TPH1: variants seen among roughly 807,000 people sequenced by gnomAD.
The protein encoded by TPH1 is tryptophan 5-hydroxylase 1.
In TPH1, 37 loss-of-function variants were observed where a neutral mutation model predicts 49.5. The observed-to-expected ratio is 0.75, with a 90% CI of 0.58 to 0.98. The LOEUF is 0.98. TPH1 is among the 50% of genes least tolerant of loss of function. The pLI is 0.00. For synonymous variants in TPH1, 160 were observed against 182.1 expected, an observed-to-expected ratio of 0.88 and a Z score of 0.98; for missense variants, 487 against 523.6, an observed-to-expected ratio of 0.93 and a Z score of 0.68.
At position 18,019,691 on chromosome 11, in the gene TPH1, G is replaced by C. The variant is rs1254553914; in HGVS notation, c.*1300C>G. ...ATTCCCCATGAAGAGATGGCAAAAA[G>C]AGTAGAAGTGCAAAGACAGAAACTT... is the stretch of plus-strand genomic sequence containing the variant. On this transcript the variant is annotated 3_prime_UTR_variant, in exon 11 of 11. Transcript: ENST00000682019. 1 of 463,966 alleles carries C rather than the reference G, an allele frequency of 2.2e-6. No homozygotes were observed. Among genetic ancestry groups the C allele is most frequent in the Non-Finnish European group, 4.3e-6 (1 of 230,764 alleles). 28.7% of individuals were successfully genotyped at this position (463,966 alleles called of 1,614,324 possible).
In TPH1 at chr11:18,029,287, T is replaced by C. The variant is rs780401123; in HGVS notation, c.545A>G (p.Asn182Ser). The change falls in exon 6 of 11, where the codon AAC (asparagine) becomes AGC (serine). Residue 182 changes from asparagine (N) to serine (S), a missense_variant. Physicochemically the swap from Asn to Ser is conservative, Grantham distance 46. Coordinates refer to ENST00000682019, the MANE Select transcript of TPH1 (RefSeq NM_004179.3). ...KTWGTVFQEL[N>S]KLYPTHACRE... Reference sequence around the variant, plus strand: ...GCAAGCATGGGTTGGGTAGAGTTTGTTGAGCTCTTGGAATACGGTTCCCCA... The same window carrying C: ...GCAAGCATGGGTTGGGTAGAGTTTGCTGAGCTCTTGGAATACGGTTCCCCA... 4 of 1,613,980 alleles carry C rather than the reference T, an allele frequency of 2.5e-6. No individual in the cohort carries two copies. The highest frequency in any genetic ancestry group is 3.3e-4 in the Middle Eastern group (2 of 6,084).
chr11:18,026,021 C>A (rs571760334), intron 7 of TPH1, among the ~76,000 whole-genome samples: 26 of 152,072 alleles, frequency 1.7e-4, no homozygotes, highest in African/African-American at 5.8e-4. Flanking sequence ...TCAGCAAGGC[C>A]TTCCCTGATC....
At chr11:18,023,030 A>G (rs547652088) in intron 9 of TPH1, 99 bp from the exon 10 acceptor site, 1 of 1,274,402 alleles carries the variant, frequency 7.8e-7, no homozygotes, top group Admixed American at 1.8e-5. Context: ...TTACTAATGC[A>G]ATGGCCCCAA....
intron 3 of TPH1, among the ~76,000 whole-genome samples, chr11:18,035,054 A>C (rs939219646): frequency 6.6e-5 from 10 of 152,352 alleles, no homozygotes; most frequent in African/African-American, 2.4e-4. Context: ...ACGCTCCTAG[A>C]CGGAGCTCAG....
chr11:18,021,208 T>C, intron 10 of TPH1, 43 bp from the exon 11 acceptor site: 1 of 1,580,592 alleles, frequency 6.3e-7, no homozygotes, highest in South Asian at 1.1e-5. Flanking sequence ...TTCTAGGGAG[T>C]GAATGATGAA....
intron 7 of TPH1, 71 bp downstream of exon 7, chr11:18,026,419 A>T: frequency 8.2e-7 from 1 of 1,218,028 alleles, no homozygotes; most frequent in South Asian, 1.4e-5. Context: ...AAAAAAAAAG[A>T]ACCCATAAGG....
chr11:18,025,202 C>T (rs1235741037), intron 8 of TPH1, among the ~76,000 whole-genome samples: 3 of 152,130 alleles, frequency 2.0e-5, no homozygotes, highest in East Asian at 3.9e-4. Flanking sequence ...GATAGATAAC[C>T]TATTATTGTA....
At chr11:18,026,914 GCCCAAGTCCAC>G (rs1847934282) in intron 6 of TPH1, among the ~76,000 whole-genome samples, 1 of 152,068 alleles carries the variant, frequency 6.6e-6, no homozygotes, top group Non-Finnish European at 1.5e-5. Flanking sequence ...TCAATAATGT[GCCCAAGTCCAC>G]ACATTAGTTG....
intron 6 of TPH1, among the ~76,000 whole-genome samples, chr11:18,028,071 G>C (rs551080839): frequency 6.6e-6 from 1 of 152,256 alleles, no homozygotes; most frequent in East Asian, 1.9e-4. Context: ...AATCTGCTGA[G>C]ATTATCTACT....
intron 3 of TPH1, among the ~76,000 whole-genome samples, chr11:18,033,680 TC>T (rs1474903587): frequency 1.3e-5 from 2 of 152,218 alleles, no homozygotes; most frequent in African/African-American, 4.8e-5. Flanking sequence ...ATTTAGTTAT[TC>T]AACAAAAGCA....
intron 1 of TPH1, among the ~76,000 whole-genome samples, chr11:18,045,623 T>C (rs1019151996): frequency 1.3e-5 from 2 of 152,316 alleles, no homozygotes; most frequent in South Asian, 2.1e-4. Context: ...AAAGGCAAGG[T>C]TGAGTTCACA....
At chr11:18,039,051 A>G (rs1249562939) in intron 2 of TPH1, among the ~76,000 whole-genome samples, 1 of 152,172 alleles carries the variant, frequency 6.6e-6, no homozygotes, top group African/African-American at 2.4e-5. Context: ...AACGACCAGA[A>G]ATAGTTAAAA....
At chr11:18,037,490 G>A (rs1488959814) in intron 2 of TPH1, among the ~76,000 whole-genome samples, 6 of 152,088 alleles carry the variant, frequency 3.9e-5, no homozygotes, top group Non-Finnish European at 5.9e-5. Flanking sequence ...ATCAATAGAA[G>A]TCAGTTACAA....
chr11:18,022,776 G>T (rs754633897), intron 10 of TPH1, 22 bp downstream of exon 10: 7 of 1,611,182 alleles, frequency 4.3e-6, no homozygotes, highest in African/African-American at 1.3e-5. Flanking sequence ...GAAAATGAAG[G>T]CGTGAAGAAG....
intron 9 of TPH1, 29 bp from the exon 10 acceptor site, chr11:18,022,960 G>A (rs779546270): frequency 1.9e-6 from 3 of 1,611,198 alleles, no homozygotes; most frequent in South Asian, 2.2e-5. Flanking sequence ...GTGAATCAAA[G>A]AATAATATCT....
chr11:18,045,009 G>A (rs1253884000), intron 1 of TPH1, among the ~76,000 whole-genome samples: 1 of 152,172 alleles, frequency 6.6e-6, no homozygotes, highest in Non-Finnish European at 1.5e-5. Flanking sequence ...AAGACACTCA[G>A]AAGATCAACA....
chr11:18,030,260 A>G (rs1590263384), intron 4 of TPH1, among the ~76,000 whole-genome samples: 1 of 152,102 alleles, frequency 6.6e-6, no homozygotes, highest in South Asian at 2.1e-4. Flanking sequence ...AAAATTTAAA[A>G]TAACAATTAT....
intron 4 of TPH1, among the ~76,000 whole-genome samples, chr11:18,029,879 C>T (rs1387061556): frequency 6.6e-6 from 1 of 152,178 alleles, no homozygotes; most frequent in Non-Finnish European, 1.5e-5. Flanking sequence ...AAATACATGG[C>T]TCTTTTCCAA....
chr11:18,029,464 CTTATT>C (rs766491389), intron 5 of TPH1, 43 bp downstream of exon 5: 19 of 1,562,642 alleles, frequency 1.2e-5, no homozygotes, highest in Non-Finnish European at 1.7e-5. Context: ...ATTCTATTCA[CTTATT>C]TTATTATCTC....
Sources: gnomAD v4.1 joint callset for allele counts (sites outside exome capture counted in the v4.1 genomes callset) on GRCh38, gnomAD v4.1.1 for gene constraint, MANE v1.5 for transcripts, NCBI Gene and HGNC (gene_info 2026-07-23, HGNC 2026-07-21) for gene names.